The following DOCK1 variants were observed in gnomAD, a reference collection of about 807,000 sequenced individuals.
DOCK1 encodes dedicator of cytokinesis 1, also known as dedicator of cytokinesis protein 1.
A neutral mutation model predicts 262.7 loss-of-function variants in DOCK1; 138 were observed. The ratio of observed to expected loss-of-function variants is 0.53; its 90% confidence interval spans 0.46 to 0.61. DOCK1 has a LOEUF of 0.61. Ranked by LOEUF, DOCK1 falls within the 20% of genes least tolerant of loss-of-function variation. DOCK1 has a pLI of 0.00. For synonymous variants in DOCK1, 866 were observed against 867.4 expected (o/e 1.00, Z 0.03); for missense variants, 1,908 against 2,370.7 (o/e 0.80, Z 4.05).
intron 47 of DOCK1, among the ~76,000 whole-genome samples, chr10:127,432,906 CAA>C (rs1203089545): frequency 1.3e-5 from 2 of 152,192 alleles, no homozygotes; most frequent in Non-Finnish European, 2.9e-5. Context: ...CAGAGATACA[CAA>C]AATGCATCTA....
At chr10:127,061,504 T>A (rs1443985684) in intron 22 of DOCK1, among the ~76,000 whole-genome samples, 164 bp from the exon 23 acceptor site, 1 of 152,278 alleles carries the variant, frequency 6.6e-6, no homozygotes, top group African/African-American at 2.4e-5. Context: ...GTGGTCTGCA[T>A]GAGTCTCACT....
chr10:127,162,028 G>A (rs1258672324), intron 27 of DOCK1, among the ~76,000 whole-genome samples: 1 of 152,132 alleles, frequency 6.6e-6, no homozygotes, highest in Non-Finnish European at 1.5e-5. Context: ...AGTGTCTGTG[G>A]TAGAGTTACT....
chr10:127,009,437 C>T (rs951945323), intron 11 of DOCK1, among the ~76,000 whole-genome samples: 1 of 152,086 alleles, frequency 6.6e-6, no homozygotes, highest in Non-Finnish European at 1.5e-5. Flanking sequence ...GAAGAACTGG[C>T]GTTTATTTCC....
At chr10:127,022,147 C>A (rs2042477908) in intron 13 of DOCK1, among the ~76,000 whole-genome samples, 1 of 151,702 alleles carries the variant, frequency 6.6e-6, no homozygotes, top group South Asian at 2.1e-4. Context: ...TTTTTTACCC[C>A]CTACAATTAA....
intron 27 of DOCK1, among the ~76,000 whole-genome samples, chr10:127,180,037 C>G (rs986934289): frequency 6.6e-6 from 1 of 152,130 alleles, no homozygotes; most frequent in Non-Finnish European, 1.5e-5. Context: ...TGGGCCACAC[C>G]CATTGAAACA....
intron 1 of DOCK1, among the ~76,000 whole-genome samples, chr10:126,947,380 A>ATGG (rs1396524300): frequency 3.7e-5 from 4 of 107,662 alleles, no homozygotes; most frequent in East Asian, 3.8e-4. Context: ...GTTGGTGGTG[A>ATGG]TGGTGGTAGT....
At chr10:127,103,087 CTG>C (rs1308713102) in intron 23 of DOCK1, among the ~76,000 whole-genome samples, 3 of 152,172 alleles carry the variant, frequency 2.0e-5, no homozygotes, top group African/African-American at 7.2e-5. Context: ...TTATTTATCA[CTG>C]TGTCGTTCAC....
At chr10:127,213,452 TC>T (rs1468562849) in intron 27 of DOCK1, among the ~76,000 whole-genome samples, 2 of 152,224 alleles carry the variant, frequency 1.3e-5, no homozygotes, top group East Asian at 3.9e-4. Context: ...TGGTTTGGAA[TC>T]ATTTTTGGGG....
At chr10:126,919,641 C>T (rs72832570) in intron 1 of DOCK1, among the ~76,000 whole-genome samples, 13,542 of 152,204 alleles carry the variant, frequency 0.089, 845 homozygotes, top group South Asian at 0.18. Context: ...GCCGTCAGCC[C>T]GTTGCTCTGA....
intron 21 of DOCK1, among the ~76,000 whole-genome samples, chr10:127,051,951 G>A (rs1349847310): frequency 6.6e-6 from 1 of 152,044 alleles, no homozygotes. Flanking sequence ...AGTATTTTTG[G>A]TGTCATGCCT....
chr10:126,906,791 T>A (rs1240729248), intron 1 of DOCK1, among the ~76,000 whole-genome samples: 1 of 152,174 alleles, frequency 6.6e-6, no homozygotes, highest in African/African-American at 2.4e-5. Flanking sequence ...CAGTTGCTTC[T>A]CTCTGCTGTC....
At chr10:126,993,959 T>A (rs1331260843) in intron 6 of DOCK1, among the ~76,000 whole-genome samples, 26 of 152,244 alleles carry the variant, frequency 1.7e-4, no homozygotes, top group Non-Finnish European at 1.2e-4. Context: ...CAATTCAACT[T>A]TCCTCTTTAA....
chr10:127,249,049 G>A (rs539695493), intron 28 of DOCK1, among the ~76,000 whole-genome samples: 11 of 152,070 alleles, frequency 7.2e-5, no homozygotes, highest in Non-Finnish European at 1.3e-4. Flanking sequence ...TATCTTCCAC[G>A]AAACTGATCC....
At chr10:126,988,109 A>T (rs2039542424) in intron 5 of DOCK1, 1 of 152,050 alleles carries the variant, frequency 6.6e-6, no homozygotes, top group Admixed American at 6.5e-5. Flanking sequence ...AGGAATAGGG[A>T]AATATTTTAC....
chr10:127,393,323 A>C (rs34562406), intron 38 of DOCK1, among the ~76,000 whole-genome samples: 62,983 of 151,856 alleles, frequency 0.41, 13,294 homozygotes, highest in African/African-American at 0.44. Flanking sequence ...CTACAGCTCC[A>C]CTGATCCAGC....
chr10:127,450,889 A>C (rs1243879922), intron 51 of DOCK1, among the ~76,000 whole-genome samples: 2 of 152,118 alleles, frequency 1.3e-5, no homozygotes, highest in Non-Finnish European at 2.9e-5. Flanking sequence ...TGGCCTGCCA[A>C]AAAGCTGGAA....
chr10:126,948,248 G>A, intron 1 of DOCK1, among the ~76,000 whole-genome samples: 2 of 37,472 alleles, frequency 5.3e-5, no homozygotes, highest in Non-Finnish European at 1.2e-4. Flanking sequence ...TGTTGGTGGT[G>A]ATGGTGGTGG....
At chr10:127,298,079 A>G (rs1000701073) in intron 29 of DOCK1, among the ~76,000 whole-genome samples, 8 of 152,232 alleles carry the variant, frequency 5.3e-5, no homozygotes, top group African/African-American at 1.9e-4. Context: ...TTAAGTGTGA[A>G]TCAGTGTGAA....
chr10:127,138,067 A>G (rs1462839406), intron 27 of DOCK1: 4 of 1,514,964 alleles, frequency 2.6e-6, no homozygotes, highest in South Asian at 1.3e-5. Flanking sequence ...TCTTTTCCAT[A>G]TGAAGATCCC....
Sources: allele counts gnomAD v4.1 joint callset (sites outside exome capture counted in the v4.1 genomes callset), GRCh38; gene constraint gnomAD v4.1.1; transcripts MANE v1.5; gene names NCBI Gene and HGNC (gene_info 2026-07-23, HGNC 2026-07-21).